Variants in CTTNBP2 observed in about 807,000 individuals in gnomAD.
CTTNBP2 encodes the protein cortactin binding protein 2, also known as cortactin-binding protein 2.
CTTNBP2 carries 108 observed loss-of-function variants against 156.9 expected under a neutral mutation model. The observed-to-expected ratio is 0.69, with a 90% CI of 0.59 to 0.81. CTTNBP2 has a LOEUF of 0.81. CTTNBP2 is among the 30% of genes least tolerant of loss of function. The probability of loss-of-function intolerance (pLI) is 0.00; values close to 1 mark genes in which losing one functional copy is unlikely to be tolerated. For synonymous variants in CTTNBP2, 767 were observed against 751.8 expected (o/e 1.02, Z -0.33); for missense variants, 1,924 against 2,035.4 (o/e 0.95, Z 1.05).
chr7:117,737,583 T>A (rs1357684539), intron 14 of CTTNBP2, among the ~76,000 whole-genome samples: 1 of 152,172 alleles, frequency 6.6e-6, no homozygotes, highest in South Asian at 2.1e-4. Context: ...GCATTTTATT[T>A]ATTTTTTGGA....
At chr7:117,763,493 C>T (rs572905139) in intron 9 of CTTNBP2, among the ~76,000 whole-genome samples, 40 of 151,602 alleles carry the variant, frequency 2.6e-4, no homozygotes, top group African/African-American at 9.7e-4. Context: ...ATTAATTCTT[C>T]CTGTTGGAAA....
Position 117,791,989 on chromosome 7 carries a change from T to C in CTTNBP2, c.1207A>G (p.Ser403Gly), listed in dbSNP as rs770919024. The change falls in exon 4 of 23, where the codon AGT becomes GGT. Residue 403 changes from serine (S) to glycine (G), a missense_variant. Coordinates refer to ENST00000160373, the MANE Select transcript of CTTNBP2 (RefSeq NM_033427.3). ...DPTSSTPPLP[S>G]NAAPPTAQTP... ...TGAGCGGTGGGAGGGGCAGCGTTAC[T>C]GGGAAGTGGGGGTGTGCTACTGGTT... 25 of 1,613,900 alleles carry C rather than the reference T, an allele frequency of 1.5e-5. No individual in the cohort carries two copies. Among genetic ancestry groups the C allele is most frequent in the Non-Finnish European group, 2.1e-5 (25 of 1,180,016 alleles).
chr7:117,851,777 A>G (rs1036970700), intron 2 of CTTNBP2, among the ~76,000 whole-genome samples: 6 of 152,214 alleles, frequency 3.9e-5, no homozygotes, highest in African/African-American at 1.4e-4. Flanking sequence ...GATGTAGCCA[A>G]GCAGACATGA....
intron 4 of CTTNBP2, 33 bp downstream of exon 4, chr7:117,791,095 T>C (rs750584656): frequency 1.3e-6 from 2 of 1,551,892 alleles, no homozygotes; most frequent in East Asian, 2.3e-5. Context: ...GGCCATATTC[T>C]TTAAAAAGCG....
At chr7:117,856,608 A>G (rs1244847673) in intron 2 of CTTNBP2, among the ~76,000 whole-genome samples, 1 of 152,236 alleles carries the variant, frequency 6.6e-6, no homozygotes, top group Non-Finnish European at 1.5e-5. Context: ...ATAATAATTT[A>G]AAGTCTAGAT....
At chr7:117,829,768 A>G (rs1467814995) in intron 2 of CTTNBP2, among the ~76,000 whole-genome samples, 1 of 152,232 alleles carries the variant, frequency 6.6e-6, no homozygotes, top group Non-Finnish European at 1.5e-5. Context: ...GACCAACTGC[A>G]CATCAGAATT....
rs77081934 is a variant in CTTNBP2 at position 117,866,159 on chromosome 7, G to A, written c.82-4843C>T. Among the ~76,000 whole-genome samples the A allele has an allele frequency of 5.1e-3, 781 of 151,928 alleles. 6 individuals carry two copies. Among genetic ancestry groups the A allele is most frequent in the African/African-American group, 0.017 (694 of 41,442 alleles). On this transcript the variant is annotated intron_variant, in intron 1 of 22. Coordinates refer to ENST00000160373, the MANE Select transcript of CTTNBP2 (RefSeq NM_033427.3). Reference sequence around the variant, plus strand: ...AGACAGAATAGACAAAACAGACCCTGGCTGAGTAAACTCATCTTAAATTTC... The same window carrying A: ...AGACAGAATAGACAAAACAGACCCTAGCTGAGTAAACTCATCTTAAATTTC...
intron 2 of CTTNBP2, among the ~76,000 whole-genome samples, chr7:117,831,052 T>C (rs1399278539): frequency 3.3e-5 from 5 of 152,216 alleles, no homozygotes; most frequent in African/African-American, 1.2e-4. Context: ...TTATTGGCTA[T>C]TAAACCTACA....
chr7:117,730,548 C>A (rs1253451811), intron 16 of CTTNBP2, among the ~76,000 whole-genome samples: 1 of 152,150 alleles, frequency 6.6e-6, no homozygotes, highest in Non-Finnish European at 1.5e-5. Context: ...GGTGAAATAG[C>A]ATGGGTAAAG....
chr7:117,858,899 A>G (rs1412223771), intron 2 of CTTNBP2, among the ~76,000 whole-genome samples: 3 of 152,134 alleles, frequency 2.0e-5, no homozygotes, highest in African/African-American at 7.2e-5. Context: ...ACCCACCACA[A>G]ATCTGCTGAC....
At chr7:117,740,031 C>T (rs1402103577) in intron 14 of CTTNBP2, among the ~76,000 whole-genome samples, 1 of 152,072 alleles carries the variant, frequency 6.6e-6, no homozygotes, top group Non-Finnish European at 1.5e-5. Flanking sequence ...AACCCAAGTC[C>T]ATACTTTATA....
chr7:117,768,510 G>C (rs1797627330), intron 8 of CTTNBP2, among the ~76,000 whole-genome samples: 1 of 136,062 alleles, frequency 7.3e-6, no homozygotes, highest in Non-Finnish European at 1.5e-5. Flanking sequence ...AGGTTGCAGT[G>C]AGCCAAGATC....
intron 9 of CTTNBP2, among the ~76,000 whole-genome samples, chr7:117,761,106 G>C (rs1350098003): frequency 6.6e-6 from 1 of 152,100 alleles, no homozygotes. Context: ...TGGACAGGTC[G>C]GGATGCTTAG....
chr7:117,849,158 A>G (rs1424788230), intron 2 of CTTNBP2, among the ~76,000 whole-genome samples: 1 of 152,202 alleles, frequency 6.6e-6, no homozygotes, highest in East Asian at 1.9e-4. Context: ...TTGCTTACTG[A>G]GCAGAAAGCC....
intron 14 of CTTNBP2, among the ~76,000 whole-genome samples, chr7:117,740,894 A>G (rs1795974308): frequency 6.6e-6 from 1 of 152,212 alleles, no homozygotes; most frequent in African/African-American, 2.4e-5. Flanking sequence ...ATCAGCCTCC[A>G]GCCCACAGCA....
At chr7:117,718,317 C>A (rs946323060) in intron 21 of CTTNBP2, among the ~76,000 whole-genome samples, 198 bp from the exon 22 acceptor site, 10 of 152,018 alleles carry the variant, frequency 6.6e-5, no homozygotes, top group Non-Finnish European at 1.3e-4. Context: ...GAGAAACATC[C>A]TCTAAGGAAA....
intron 2 of CTTNBP2, among the ~76,000 whole-genome samples, chr7:117,851,922 A>G (rs1455400431): frequency 6.6e-6 from 1 of 152,204 alleles, no homozygotes; most frequent in African/African-American, 2.4e-5. Context: ...AGACTCATCA[A>G]TAGAAAATCA....
At chr7:117,861,499 C>T (rs1278870522) in intron 1 of CTTNBP2, among the ~76,000 whole-genome samples, 183 bp from the exon 2 acceptor site, 1 of 152,106 alleles carries the variant, frequency 6.6e-6, no homozygotes, top group African/African-American at 2.4e-5. Flanking sequence ...AAAACTATAA[C>T]GCCAATCTCT....
chr7:117,775,980 CA>C (rs775575497), intron 8 of CTTNBP2, among the ~76,000 whole-genome samples: 1 of 152,106 alleles, frequency 6.6e-6, no homozygotes, highest in Non-Finnish European at 1.5e-5. Context: ...TGTAAAACAC[CA>C]AAGTCCAAGA....
Sources: gnomAD v4.1 joint callset for allele counts (sites outside exome capture counted in the v4.1 genomes callset) on GRCh38, gnomAD v4.1.1 for gene constraint, MANE v1.5 for transcripts, NCBI Gene and HGNC (gene_info 2026-07-23, HGNC 2026-07-21) for gene names.